The following FRAS1 variants were observed in gnomAD, a reference collection of about 807,000 sequenced individuals.
FRAS1 encodes Fraser extracellular matrix complex subunit 1.
Under a neutral mutation model 435.2 loss-of-function variants are expected in FRAS1, and 290 were observed. The ratio of observed to expected loss-of-function variants is 0.67; its 90% CI spans 0.61 to 0.73. The LOEUF (loss-of-function observed/expected upper bound fraction) is 0.73. Among genes scored for constraint, FRAS1 ranks in the 30% least tolerant of loss-of-function variants. The pLI, the probability that FRAS1 is intolerant of heterozygous loss-of-function variation, is 0.00. For missense variants in FRAS1, 4,860 were observed against 5,001.5 expected (o/e 0.97, Z 0.85); for synonymous variants, 1,800 against 1,851.0 (o/e 0.97, Z 0.71).
intron 59 of FRAS1, among the ~76,000 whole-genome samples, chr4:78,493,007 A>G (rs1004393655): frequency 1.3e-5 from 2 of 152,262 alleles, no homozygotes; most frequent in Non-Finnish European, 2.9e-5. Context: ...ATGAACAGAC[A>G]CTTCTCAAAA....
intron 14 of FRAS1, among the ~76,000 whole-genome samples, 174 bp downstream of exon 14, chr4:78,286,713 A>C (rs1352241759): frequency 1.3e-5 from 2 of 152,198 alleles, no homozygotes; most frequent in Non-Finnish European, 2.9e-5. Context: ...GAAATGATAC[A>C]TGTTGAGATG....
chr4:78,311,809 G>C (rs1412328225), intron 15 of FRAS1, among the ~76,000 whole-genome samples: 1 of 152,190 alleles, frequency 6.6e-6, no homozygotes, highest in Non-Finnish European at 1.5e-5. Flanking sequence ...TGATTAATGA[G>C]TTTGAGTATA....
In FRAS1 at chr4:78,496,294, G is replaced by A. The variant is rs149052942; in HGVS notation, c.8959-511G>A. On this transcript the variant is annotated intron_variant, in intron 59 of 73. Transcript: ENST00000512123. ...TGAGATATCATTTGGCAGCAGATTC[G>A]AAAATTCTTTAGCATTTAAAGGTAT... Among the ~76,000 whole-genome samples, 168 of 152,246 alleles carry A rather than the reference G, an allele frequency of 1.1e-3. 3 individuals are homozygous for A. In the East Asian group the frequency reaches 0.031, roughly 28 times the overall value.
intron 2 of FRAS1, among the ~76,000 whole-genome samples, chr4:78,234,698 TG>T (rs1236261694): frequency 6.6e-6 from 1 of 152,238 alleles, no homozygotes; most frequent in African/African-American, 2.4e-5. Flanking sequence ...AATCAGACAC[TG>T]GGAATGTAAT....
chr4:78,190,408 C>G (rs1722480224), intron 2 of FRAS1, among the ~76,000 whole-genome samples: 1 of 152,042 alleles, frequency 6.6e-6, no homozygotes. Flanking sequence ...CTGAACTGGT[C>G]ATTTCTCCCA....
intron 20 of FRAS1, among the ~76,000 whole-genome samples, chr4:78,346,716 C>G (rs1057072517): frequency 6.6e-6 from 1 of 151,934 alleles, no homozygotes; most frequent in Admixed American, 6.6e-5. Flanking sequence ...AACAAACAAA[C>G]CTCATCTTTT....
At chr4:78,192,303 G>C (rs1249519243) in intron 2 of FRAS1, among the ~76,000 whole-genome samples, 5 of 152,208 alleles carry the variant, frequency 3.3e-5, no homozygotes, top group African/African-American at 1.2e-4. Flanking sequence ...CATAAAATGA[G>C]TTAGGGAGGA....
At chr4:78,486,801 T>C (rs1374073640) in intron 58 of FRAS1, among the ~76,000 whole-genome samples, 1 of 150,690 alleles carries the variant, frequency 6.6e-6, no homozygotes, top group Non-Finnish European at 1.5e-5. Context: ...AGAAGATGTG[T>C]CCACTGCCTT....
At chr4:78,403,217 T>C (rs149147480) in intron 30 of FRAS1, among the ~76,000 whole-genome samples, 3 of 152,306 alleles carry the variant, frequency 2.0e-5, no homozygotes, top group African/African-American at 7.2e-5. Flanking sequence ...GCCCCCAAAT[T>C]TCCTAGAAAC....
chr4:78,070,784 A>G (rs1740308081), intron 2 of FRAS1: 1 of 152,220 alleles, frequency 6.6e-6, no homozygotes, highest in Admixed American at 6.5e-5. Context: ...AAGCAAACAC[A>G]TATCCTTTTG....
intron 2 of FRAS1, among the ~76,000 whole-genome samples, chr4:78,095,474 C>T (rs895576865): frequency 6.6e-6 from 1 of 152,158 alleles, no homozygotes; most frequent in African/African-American, 2.4e-5. Flanking sequence ...TATTGTGTCC[C>T]TCTGAGCCCC....
intron 49 of FRAS1, 55 bp downstream of exon 49, chr4:78,464,638 G>A (rs1020167957): frequency 5.2e-5 from 83 of 1,594,630 alleles, no homozygotes; most frequent in Non-Finnish European, 6.8e-5. Flanking sequence ...TGACCTGGTG[G>A]CAGCTATCAC....
intron 15 of FRAS1, among the ~76,000 whole-genome samples, chr4:78,309,826 G>C (rs1193680404): frequency 1.3e-5 from 2 of 152,086 alleles, no homozygotes; most frequent in Non-Finnish European, 2.9e-5. Flanking sequence ...TTACTTTGAT[G>C]GTCATACCTA....
chr4:78,484,012 C>G (rs1720096883), intron 58 of FRAS1, among the ~76,000 whole-genome samples: 1 of 151,880 alleles, frequency 6.6e-6, no homozygotes, highest in Non-Finnish European at 1.5e-5. Context: ...TTGAACAGTT[C>G]CAACACTCTG....
intron 65 of FRAS1, 38 bp from the exon 66 acceptor site, chr4:78,515,761 A>G (rs765939968): frequency 2.1e-5 from 34 of 1,600,070 alleles, no homozygotes; most frequent in Non-Finnish European, 2.8e-5. Context: ...GGCATCCACA[A>G]ACCAAGTTAT....
In FRAS1 at chr4:78,322,109, T is replaced by C. The variant is rs148926444; in HGVS notation, c.2137+3123T>C. Among the ~76,000 whole-genome samples, 8 of 152,322 alleles carry C rather than the reference T, an allele frequency of 5.3e-5. No individual in the cohort carries two copies. In the South Asian group the frequency reaches 6.2e-4, roughly 12 times the overall value. On this transcript the variant is annotated intron_variant, in intron 18 of 73. Coordinates refer to ENST00000512123, the MANE Select transcript of FRAS1 (RefSeq NM_025074.7). ...GTTAATTGAGTTGCCTAAGATTCCA[T>C]TGGGAAACCGAGCACAACTACCAAT...
At chr4:78,126,378 C>T (rs1028573591) in intron 2 of FRAS1, among the ~76,000 whole-genome samples, 2 of 152,234 alleles carry the variant, frequency 1.3e-5, no homozygotes, top group Non-Finnish European at 2.9e-5. Context: ...ACACCCCACC[C>T]TGCATCGGCT....
chr4:78,311,202 C>CT (rs1350452660), intron 15 of FRAS1, among the ~76,000 whole-genome samples: 5 of 151,824 alleles, frequency 3.3e-5, no homozygotes, highest in Admixed American at 6.6e-5. Flanking sequence ...TTCTTTCTCC[C>CT]TTTTTTTAAT....
rs890941422 is a variant in FRAS1, at chr4:78,145,309, T to G, written c.108+79293T>G. 2.0e-5 allele frequency among the ~76,000 whole-genome samples: 3 copies of G among 152,174 alleles called. No individual in the cohort carries two copies. In the East Asian group the frequency reaches 5.8e-4, roughly 29 times the overall value. The stretch of plus-strand genomic sequence containing the variant: ...AGTGATTGGAGTAAGGGTGTTTATG[T>G]TCAGTGATTTCCACAGTTAATTTCT... On this transcript the variant is annotated intron_variant, in intron 2 of 73. Coordinates refer to ENST00000512123, the MANE Select transcript of FRAS1 (RefSeq NM_025074.7).
Sources: allele counts gnomAD v4.1 joint callset (sites outside exome capture counted in the v4.1 genomes callset), GRCh38; gene constraint gnomAD v4.1.1; transcripts MANE v1.5; gene names NCBI Gene and HGNC (gene_info 2026-07-23, HGNC 2026-07-21).